The following REV3L variants were observed in gnomAD, a reference collection of about 807,000 sequenced individuals.
The protein encoded by REV3L is DNA polymerase zeta catalytic subunit.
A neutral mutation model predicts 299.4 loss-of-function variants in REV3L; 69 were observed. That is an observed-to-expected ratio of 0.23 (90% CI 0.19 to 0.28). The LOEUF is 0.28. Among genes scored for constraint, REV3L ranks in the 10% least tolerant of loss-of-function variants. REV3L has a pLI of 1.00. For synonymous variants in REV3L, 1,238 were observed against 1,271.4 expected, an observed-to-expected ratio of 0.97 and a Z score of 0.56; for missense variants, 3,128 against 3,693.8, an observed-to-expected ratio of 0.85 and a Z score of 3.97.
rs1371589752 is a variant in REV3L, at chr6:111,411,574, A to T, written c.330-20T>A. 1 of 1,409,792 alleles carries T rather than the reference A, an allele frequency of 7.1e-7. No homozygotes were observed. Among genetic ancestry groups the T allele is most frequent in the South Asian group, 1.3e-5 (1 of 79,018 alleles). 87.3% of individuals were successfully genotyped at this position (1,409,792 alleles called of 1,614,324 possible). A position where few individuals can be genotyped will look rare whatever the true frequency, so the allele number is the denominator to read the frequency against. ...AAAGGCCTGAAATATAAGAAAAAAA[A>T]TTTCAAATTATTTTCATAATTCAGA... On this transcript the variant is annotated intron_variant, in intron 2 of 31. Transcript: ENST00000368802.
rs1030927442 is a variant in REV3L at position 111,477,685 on chromosome 6, G to T, written c.139+5065C>A. ...GACTATGCAAGACCTTGTAAGACAG[G>T]CAGATGCCACCATATAAGACACAGA... On this transcript the variant is annotated intron_variant, in intron 1 of 31. Coordinates refer to ENST00000368802, the MANE Select transcript of REV3L (RefSeq NM_001372078.1). 3.9e-5 allele frequency among the ~76,000 whole-genome samples: 6 copies of T among 152,180 alleles called. No homozygotes were observed. The East Asian group carries it at 5.8e-4, about 15-fold the overall frequency.
At chr6:111,460,131 T>C (rs754955728) in intron 1 of REV3L, among the ~76,000 whole-genome samples, 13 of 151,820 alleles carry the variant, frequency 8.6e-5, no homozygotes, top group East Asian at 3.9e-4. Flanking sequence ...ACGGATGCAG[T>C]TGGGGGCCAT....
intron 18 of REV3L, among the ~76,000 whole-genome samples, chr6:111,355,663 A>AATAT (rs1175968142): frequency 6.6e-6 from 1 of 152,158 alleles, no homozygotes; most frequent in Admixed American, 6.5e-5. Flanking sequence ...TATCATTGGG[A>AATAT]ATATACCCAA....
intron 3 of REV3L, among the ~76,000 whole-genome samples, chr6:111,408,920 C>G (rs540606871): frequency 6.6e-6 from 1 of 152,020 alleles, no homozygotes; most frequent in Non-Finnish European, 1.5e-5. Flanking sequence ...CCTGACCTCA[C>G]GTGATCTACC....
intron 6 of REV3L, among the ~76,000 whole-genome samples, chr6:111,389,874 C>T (rs1438170191): frequency 6.6e-6 from 1 of 151,296 alleles, no homozygotes; most frequent in African/African-American, 2.4e-5. Flanking sequence ...GTAGCTGGGA[C>T]TACAGACGTG....
At chr6:111,361,106 G>A (rs908260718) in intron 16 of REV3L, among the ~76,000 whole-genome samples, 1 of 151,536 alleles carries the variant, frequency 6.6e-6, no homozygotes, top group East Asian at 2.0e-4. Flanking sequence ...ATATGAGGCC[G>A]GGCACGGTGG....
intron 25 of REV3L, among the ~76,000 whole-genome samples, chr6:111,329,261 C>T (rs576674687): frequency 2.0e-5 from 3 of 149,940 alleles, no homozygotes; most frequent in Non-Finnish European, 3.0e-5. Context: ...CCACGCTGGT[C>T]GCGACTCCTG....
intron 1 of REV3L, among the ~76,000 whole-genome samples, chr6:111,454,487 T>C (rs1413448264): frequency 6.6e-6 from 1 of 152,086 alleles, no homozygotes; most frequent in Non-Finnish European, 1.5e-5. Flanking sequence ...CCATCATCAC[T>C]ATCCATCTCC....
At chr6:111,479,684 T>C (rs1161329195) in intron 1 of REV3L, among the ~76,000 whole-genome samples, 2 of 152,016 alleles carry the variant, frequency 1.3e-5, no homozygotes, top group Non-Finnish European at 2.9e-5. Flanking sequence ...CAATTTTGTT[T>C]GTTTGTTTGT....
At chr6:111,321,599 C>T (rs1422516789) in intron 26 of REV3L, among the ~76,000 whole-genome samples, 2 of 152,082 alleles carry the variant, frequency 1.3e-5, no homozygotes, top group Non-Finnish European at 2.9e-5. Flanking sequence ...TGAAACTATC[C>T]CCACCGGCTG....
chr6:111,308,606 T>C (rs948474329), intron 30 of REV3L, among the ~76,000 whole-genome samples: 12 of 152,204 alleles, frequency 7.9e-5, no homozygotes, highest in Non-Finnish European at 1.8e-4. Flanking sequence ...TATAATGCTA[T>C]TTTACCATTG....
In REV3L at chr6:111,482,741, C is replaced by T. The variant is rs572989019; in HGVS notation, c.139+9G>A. 4 of 1,381,274 alleles carry T rather than the reference C, an allele frequency of 2.9e-6. No individual in the cohort carries two copies. In the South Asian group the frequency reaches 5.5e-5, roughly 19 times the overall value. The allele number at this position is 1,381,274 out of a possible 1,614,324, so 85.6% of individuals were successfully genotyped here. On this transcript the variant is annotated intron_variant, in intron 1 of 31. Transcript: ENST00000368802. ...TCCCGCTCCCGCCCCGCGCCCGGCG[C>T]CCGCTTACCTGCCGGGGTCGCTCCG...
chr6:111,451,099 A>G (rs1789484957), intron 1 of REV3L, among the ~76,000 whole-genome samples: 1 of 152,214 alleles, frequency 6.6e-6, no homozygotes. Flanking sequence ...GCTGGGTGTT[A>G]GTTAAGTTCT....
intron 6 of REV3L, among the ~76,000 whole-genome samples, chr6:111,389,727 ATTTTTTTTTTT>A (rs10713895): frequency 8.6e-5 from 7 of 81,388 alleles, no homozygotes; most frequent in African/African-American, 1.3e-4. Flanking sequence ...TTGGTCATTA[ATTTTTTTTTTT>A]TTTTTTTTTT....
chr6:111,303,175 T>TTTTTTTC (rs1771794828), intron 31 of REV3L, among the ~76,000 whole-genome samples: 2 of 136,830 alleles, frequency 1.5e-5, no homozygotes, highest in African/African-American at 5.4e-5. Flanking sequence ...CTTTTTTTTT[T>TTTTTTTC]TTTTTTTGAG....
intron 21 of REV3L, among the ~76,000 whole-genome samples, chr6:111,337,602 T>C (rs531644283): frequency 6.6e-6 from 1 of 152,332 alleles, no homozygotes; most frequent in East Asian, 1.9e-4. Flanking sequence ...CAGAAAGGTT[T>C]TAATAATTTA....
chr6:111,416,607 G>T, intron 1 of REV3L, 135 bp from the exon 2 acceptor site: 2 of 665,382 alleles, frequency 3.0e-6, no homozygotes, highest in Non-Finnish European at 5.1e-6. Flanking sequence ...TTAACCCATA[G>T]TTCAAAGTAA....
chr6:111,466,701 G>C (rs185819261), intron 1 of REV3L, among the ~76,000 whole-genome samples: 5 of 152,268 alleles, frequency 3.3e-5, no homozygotes, highest in Admixed American at 3.3e-4. Context: ...GACAGGTATG[G>C]TGTGGTGGCA....
rs780423630 is a variant in REV3L, at chr6:111,373,732, T to C, written c.4623A>G (p.Ala1541=). 6.2e-7 allele frequency: 1 copy of C among 1,613,948 alleles called. No individual in the cohort carries two copies. The highest frequency in any genetic ancestry group is 8.5e-7 in the Non-Finnish European group (1 of 1,179,972). ...KELLQKRQQK[A]QNANTTQDPL... is the part of the protein sequence containing the mutation. ...GGTCTTGTGTAGTATTTGCATTTTGTGCTTTCTGCTGTCTTTTTTGTAACA... is the reference window on the plus strand; with the variant it reads ...GGTCTTGTGTAGTATTTGCATTTTGCGCTTTCTGCTGTCTTTTTTGTAACA... Residue 1541 remains alanine, a synonymous_variant, in exon 13 of 32, where the codon GCA becomes GCG. Coordinates refer to ENST00000368802, the MANE Select transcript of REV3L (RefSeq NM_001372078.1).
Sources: gnomAD v4.1 joint callset for allele counts (sites outside exome capture counted in the v4.1 genomes callset) on GRCh38, gnomAD v4.1.1 for gene constraint, MANE v1.5 for transcripts, NCBI Gene and HGNC (gene_info 2026-07-23, HGNC 2026-07-21) for gene names.